OR3A2: variants seen among roughly 807,000 people sequenced by gnomAD.
OR3A2 encodes the protein olfactory receptor 3A2.
For missense variants in OR3A2, 318 were observed against 392.8 expected, an observed-to-expected ratio of 0.81 and a Z score of 1.61; for synonymous variants, 126 against 159.3, an observed-to-expected ratio of 0.79 and a Z score of 1.57.
At chr17:3,282,455 G>A (rs1044482227) in intron 1 of OR3A2, among the ~76,000 whole-genome samples, 3 of 152,318 alleles carry the variant, frequency 2.0e-5, no homozygotes, top group African/African-American at 2.4e-5. Flanking sequence ...GCAGTTTCAT[G>A]TGGATAACGT....
At chr17:3,333,172 C>T (rs999342170) in intron 3 of OR3A2, among the ~76,000 whole-genome samples, 4 of 152,092 alleles carry the variant, frequency 2.6e-5, no homozygotes, top group Admixed American at 6.6e-5. Context: ...TATAAATTGC[C>T]GCTCTGGGAG....
chr17:3,276,664 G>A (rs370411280), downstream of OR3A2, among the ~76,000 whole-genome samples: 15 of 152,212 alleles, frequency 9.9e-5, no homozygotes, highest in African/African-American at 3.6e-4. Flanking sequence ...GTAAGACTTT[G>A]GAGGAGAAGG....
intron 2 of OR3A2, among the ~76,000 whole-genome samples, chr17:3,351,877 C>T (rs942091398): frequency 2.0e-5 from 3 of 151,970 alleles, no homozygotes; most frequent in African/African-American, 7.2e-5. Context: ...GAAATAACAC[C>T]GCATATCTAC....
chr17:3,323,434 T>C (rs1428902440), intron 3 of OR3A2, among the ~76,000 whole-genome samples: 8 of 152,244 alleles, frequency 5.3e-5, no homozygotes, highest in African/African-American at 1.9e-4. Context: ...CATTACTTGA[T>C]GCAGTTTCTT....
intron 3 of OR3A2, among the ~76,000 whole-genome samples, chr17:3,315,064 C>T (rs1449947597): frequency 6.6e-6 from 1 of 152,202 alleles, no homozygotes; most frequent in Non-Finnish European, 1.5e-5. Flanking sequence ...ATATGTACCA[C>T]ATTTTCCTTA....
In OR3A2 at chr17:3,291,600, C is replaced by G. The variant is rs371054292; in HGVS notation, c.-84-12447G>C. On this transcript the variant is annotated intron_variant, in intron 3 of 4. Coordinates refer to the OR3A2 transcript ENST00000573491. The stretch of plus-strand genomic sequence containing the variant: ...GCTCTAGAAGACTTTTCCTTTAGTA[C>G]AAGACACAGGGAGAAAGGGTCAATT... The G allele has an allele frequency of 2.0e-6, 3 of 1,512,922 alleles. No homozygotes were observed. The Admixed American group carries it at 6.1e-5, about 31-fold the overall frequency. 93.7% of individuals were successfully genotyped at this position (1,512,922 alleles called of 1,614,324 possible).
intron 2 of OR3A2, among the ~76,000 whole-genome samples, chr17:3,341,442 C>G (rs534454581): frequency 1.3e-5 from 2 of 152,272 alleles, no homozygotes; most frequent in African/African-American, 4.8e-5. Context: ...TTCAGGAGCT[C>G]TTGTTAGGCA....
intron 2 of OR3A2, among the ~76,000 whole-genome samples, chr17:3,366,162 C>A (rs75136660): frequency 2.0e-5 from 3 of 152,166 alleles, no homozygotes; most frequent in African/African-American, 7.2e-5. Context: ...ACTGTCCAAA[C>A]GATGATCAAG....
intron 3 of OR3A2, among the ~76,000 whole-genome samples, chr17:3,332,396 C>T (rs1330551612): frequency 2.0e-5 from 3 of 152,218 alleles, no homozygotes; most frequent in Non-Finnish European, 4.4e-5. Context: ...GAGCCAGGTG[C>T]AGGATATAAT....
chr17:3,358,648 G>C (rs543370564), intron 2 of OR3A2, among the ~76,000 whole-genome samples: 1 of 151,566 alleles, frequency 6.6e-6, no homozygotes. Flanking sequence ...GAGTATGTTT[G>C]GTATGGTTTT....
intron 3 of OR3A2, among the ~76,000 whole-genome samples, chr17:3,300,848 C>G (rs1389934151): frequency 6.9e-6 from 1 of 145,956 alleles, no homozygotes; most frequent in African/African-American, 2.5e-5. Context: ...CCCCTCCCCC[C>G]ATCCCACGAC....
chr17:3,333,286 G>T (rs570502227), intron 3 of OR3A2, among the ~76,000 whole-genome samples: 80 of 152,220 alleles, frequency 5.3e-4, no homozygotes, highest in African/African-American at 1.7e-3. Context: ...GGTAAATTTT[G>T]GTCAGACCAG....
chr17:3,277,674 G>A (rs28676754), exon 2 of OR3A2: 48,225 of 310,978 alleles, frequency 0.16, 4,871 homozygotes, highest in African/African-American at 0.29. Flanking sequence ...TGGTATATAT[G>A]ATGCTTATTT....
At chr17:3,331,729 T>A (rs2049236470) in intron 3 of OR3A2, among the ~76,000 whole-genome samples, 1 of 152,034 alleles carries the variant, frequency 6.6e-6, no homozygotes, top group Non-Finnish European at 1.5e-5. Context: ...AAAGTCATTC[T>A]CCATCCAGCT....
chr17:3,359,146 T>C (rs1273359877), intron 2 of OR3A2, among the ~76,000 whole-genome samples: 5 of 151,792 alleles, frequency 3.3e-5, no homozygotes. Context: ...TCCTCCATCC[T>C]TTTATTTCAA....
intron 3 of OR3A2, among the ~76,000 whole-genome samples, chr17:3,334,515 G>T (rs2049263936): frequency 6.6e-6 from 1 of 152,160 alleles, no homozygotes; most frequent in South Asian, 2.1e-4. Context: ...CATCACTGTA[G>T]ATTTACAATA....
chr17:3,336,175 A>G (rs1365865195), intron 2 of OR3A2, 49 bp from the exon 2 acceptor site: 1 of 152,232 alleles, frequency 6.6e-6, no homozygotes, highest in African/African-American at 2.4e-5. Flanking sequence ...CCAAGCATTC[A>G]CTAGTCATCC....
At chr17:3,315,672 T>G (rs976737736) in intron 3 of OR3A2, among the ~76,000 whole-genome samples, 1 of 151,312 alleles carries the variant, frequency 6.6e-6, no homozygotes, top group Non-Finnish European at 1.5e-5. Context: ...TATTTTGCTA[T>G]GCGGATCTTT....
intron 3 of OR3A2, among the ~76,000 whole-genome samples, chr17:3,306,014 T>C (rs2048997277): frequency 6.6e-6 from 1 of 152,202 alleles, no homozygotes. Flanking sequence ...CTATCTCTGT[T>C]AAGCAAGGTG....
Sources: gnomAD v4.1 joint callset for allele counts (sites outside exome capture counted in the v4.1 genomes callset) on GRCh38, gnomAD v4.1.1 for gene constraint, MANE v1.5 for transcripts, NCBI Gene and HGNC (gene_info 2026-07-23, HGNC 2026-07-21) for gene names.